Variants in PTK2 observed in about 807,000 individuals in gnomAD.
PTK2 encodes the protein focal adhesion kinase 1.
In PTK2, 45 loss-of-function variants were observed where a neutral mutation model predicts 150.1. That is an observed-to-expected ratio of 0.30 (90% CI 0.24 to 0.38). The LOEUF (loss-of-function observed/expected upper bound fraction) is 0.38. Ranked by LOEUF, PTK2 falls within the 10% of genes least tolerant of loss-of-function variation. The pLI, the probability that PTK2 is intolerant of heterozygous loss-of-function variation, is 1.00. For missense variants in PTK2, 919 were observed against 1,307.3 expected (o/e 0.70, Z 4.58); for synonymous variants, 432 against 449.2 (o/e 0.96, Z 0.48).
At chr8:140,706,413 C>T (rs1181189797) in intron 23 of PTK2, among the ~76,000 whole-genome samples, 1 of 152,200 alleles carries the variant, frequency 6.6e-6, no homozygotes, top group Non-Finnish European at 1.5e-5. Context: ...TGAAGTCTGA[C>T]CTCTTCCTCC....
chr8:140,824,119 A>G (rs1360109922), intron 8 of PTK2, among the ~76,000 whole-genome samples: 1 of 152,150 alleles, frequency 6.6e-6, no homozygotes, highest in South Asian at 2.1e-4. Context: ...CTCATCCCAA[A>G]CTCTTAGACA....
At chr8:140,825,658 C>A (rs1282787861) in intron 8 of PTK2, among the ~76,000 whole-genome samples, 3 of 152,236 alleles carry the variant, frequency 2.0e-5, no homozygotes, top group Non-Finnish European at 4.4e-5. Context: ...ACAACATTCA[C>A]TGAACTACAG....
intron 1 of PTK2, among the ~76,000 whole-genome samples, chr8:140,976,798 T>C (rs2100189401): frequency 1.3e-5 from 2 of 152,244 alleles, no homozygotes; most frequent in Non-Finnish European, 2.9e-5. Flanking sequence ...AACTTAGGCA[T>C]AGCTGGAGTT....
At chr8:140,849,978 C>G (rs1200024652) in intron 5 of PTK2, among the ~76,000 whole-genome samples, 1 of 152,142 alleles carries the variant, frequency 6.6e-6, no homozygotes, top group Admixed American at 6.5e-5. Context: ...CTTGCATCCC[C>G]AGTATCAACC....
chr8:140,663,830 A>C (rs1045542747), intron 31 of PTK2, among the ~76,000 whole-genome samples: 11 of 151,830 alleles, frequency 7.2e-5, no homozygotes, highest in African/African-American at 2.7e-4. Context: ...AATTTTTAAA[A>C]ATTTTTTGTA....
At chr8:140,778,620 G>A (rs1202561519) in intron 14 of PTK2, among the ~76,000 whole-genome samples, 1 of 152,224 alleles carries the variant, frequency 6.6e-6, no homozygotes, top group Non-Finnish European at 1.5e-5. Flanking sequence ...TCGCTTTACG[G>A]TTCAGTTGTG....
chr8:140,937,127 A>C (rs192630072), intron 1 of PTK2, among the ~76,000 whole-genome samples: 1 of 152,324 alleles, frequency 6.6e-6, no homozygotes, highest in African/African-American at 2.4e-5. Flanking sequence ...AGAAACATGG[A>C]TCTCCTGTAG....
intron 2 of PTK2, among the ~76,000 whole-genome samples, chr8:140,896,797 G>GGGGT (rs66584657): frequency 3.7e-5 from 5 of 133,982 alleles, no homozygotes; most frequent in Non-Finnish European, 8.5e-5. Context: ...ACGGGGGGGG[G>GGGGT]GGGTGGGTAA....
At chr8:140,752,234 G>A in exon 17 of PTK2, 1 of 1,612,204 alleles carries the variant, frequency 6.2e-7, no homozygotes, top group Non-Finnish European at 8.5e-7. Flanking sequence ...ACACTTACAG[G>A]CTTCTTGAAG....
At chr8:140,681,742 A>C (rs1411346953) in intron 27 of PTK2, among the ~76,000 whole-genome samples, 6 of 152,156 alleles carry the variant, frequency 3.9e-5, no homozygotes, top group African/African-American at 1.2e-4. Flanking sequence ...GCGCCACTGC[A>C]CTCCAGCCTG....
chr8:140,780,406 G>T (rs139212160), intron 14 of PTK2, among the ~76,000 whole-genome samples: 1 of 152,092 alleles, frequency 6.6e-6, no homozygotes, highest in Non-Finnish European at 1.5e-5. Context: ...TGTGGGGAGG[G>T]GGGGAATCAA....
intron 3 of PTK2, among the ~76,000 whole-genome samples, chr8:140,885,286 A>C (rs1361139016): frequency 6.6e-6 from 1 of 152,196 alleles, no homozygotes; most frequent in African/African-American, 2.4e-5. Flanking sequence ...TGTTCCTAAC[A>C]TATTTCTCTC....
At chr8:140,894,508 T>C (rs1056172861) in intron 2 of PTK2, among the ~76,000 whole-genome samples, 2 of 152,152 alleles carry the variant, frequency 1.3e-5, no homozygotes, top group African/African-American at 4.8e-5. Context: ...TAGAGTAAAC[T>C]ATGGTACATT....
intron 10 of PTK2, among the ~76,000 whole-genome samples, chr8:140,810,809 C>A (rs979949846): frequency 1.3e-5 from 2 of 152,180 alleles, no homozygotes; most frequent in African/African-American, 4.8e-5. Context: ...TGAAAGCAGG[C>A]ACAGAGAATA....
At chr8:140,826,229 T>C (rs2100111677) in intron 8 of PTK2, among the ~76,000 whole-genome samples, 1 of 152,216 alleles carries the variant, frequency 6.6e-6, no homozygotes, top group African/African-American at 2.4e-5. Context: ...TGTGAATTTC[T>C]AGCTAGCTGA....
chr8:140,958,414 G>C (rs920023409), intron 1 of PTK2, among the ~76,000 whole-genome samples: 2 of 152,086 alleles, frequency 1.3e-5, no homozygotes, highest in Non-Finnish European at 1.5e-5. Flanking sequence ...CAAAGTGCTG[G>C]GATTACAGAA....
chr8:140,754,765 C>T lies in PTK2; in HGVS notation c.1333-2449G>A, dbSNP rs577820115. Among the ~76,000 whole-genome samples, 11 of 152,302 alleles carry T rather than the reference C, an allele frequency of 7.2e-5. No individual in the cohort carries two copies. In the South Asian group the frequency reaches 2.1e-3, roughly 29 times the overall value. ...CCTTCGGTTTGGCGAATAGGACATG[C>T]GGCTAGTGGCCCCTAAAGTGGACAG... On this transcript the variant is annotated intron_variant, in intron 16 of 31. Transcript: ENST00000522684.
intron 28 of PTK2, among the ~76,000 whole-genome samples, chr8:140,675,087 G>T (rs1041346565): frequency 1.4e-5 from 2 of 147,658 alleles, no homozygotes; most frequent in Non-Finnish European, 3.0e-5. Context: ...AAAGGAAAGA[G>T]AAAGAAACCA....
At position 140,850,224 on chromosome 8, in the gene PTK2, G is replaced by A. The variant is rs2100128348; in HGVS notation, c.451-3546C>T. 3.3e-5 allele frequency among the ~76,000 whole-genome samples: 5 copies of A among 152,158 alleles called. 1 individual carries two copies. Among genetic ancestry groups the A allele is most frequent in the Middle Eastern group, 3.4e-3 (1 of 294 alleles). On this transcript the variant is annotated intron_variant, in intron 5 of 31. Transcript: ENST00000522684. ...GTGGATCACCTGAGGTCAGGAGTTC[G>A]AGACCAGCCTGGCCAACATGGTGAA...
Sources: gnomAD v4.1 joint callset for allele counts (sites outside exome capture counted in the v4.1 genomes callset) on GRCh38, gnomAD v4.1.1 for gene constraint, MANE v1.5 for transcripts, NCBI Gene and HGNC (gene_info 2026-07-23, HGNC 2026-07-21) for gene names.